TRIQK: variants seen among roughly 807,000 people sequenced by gnomAD.
The protein encoded by TRIQK is triple QxxK/R motif containing.
TRIQK carries 10 observed loss-of-function variants against 10.8 expected under a neutral mutation model. That is an observed-to-expected ratio of 0.92 (90% confidence interval 0.57 to 1.57). The LOEUF is 1.57. Among genes scored for constraint, TRIQK ranks in the 40% most tolerant of loss-of-function variants. The probability of loss-of-function intolerance (pLI) is 0.00; values close to 1 mark genes in which losing one functional copy is unlikely to be tolerated. For missense variants in TRIQK, 107 were observed against 97.7 expected, an observed-to-expected ratio of 1.09 and a Z score of -0.40; for synonymous variants, 33 against 33.7, an observed-to-expected ratio of 0.98 and a Z score of 0.07.
At chr8:92,933,877 T>C (rs1254946424) in intron 2 of TRIQK, among the ~76,000 whole-genome samples, 4 of 152,074 alleles carry the variant, frequency 2.6e-5, no homozygotes, top group African/African-American at 4.8e-5. Context: ...TCACTGAATC[T>C]CCTTGATCTA....
At chr8:92,895,239 C>A (rs567243552) in intron 3 of TRIQK, among the ~76,000 whole-genome samples, 3 of 152,320 alleles carry the variant, frequency 2.0e-5, no homozygotes, top group African/African-American at 7.2e-5. Context: ...GCTTAGACTT[C>A]CCAGTCTCCA....
intron 1 of TRIQK, among the ~76,000 whole-genome samples, chr8:93,003,651 T>C (rs2130758609): frequency 6.6e-6 from 1 of 152,108 alleles, no homozygotes; most frequent in African/African-American, 2.4e-5. Context: ...AAAGTCCAAG[T>C]CCAAAAATCC....
At position 92,905,469 on chromosome 8, in the gene TRIQK, G is replaced by A. The variant is rs867630193; in HGVS notation, c.61+11460C>T. 3.9e-5 allele frequency among the ~76,000 whole-genome samples: 6 copies of A among 152,096 alleles called. 1 individual carries two copies. The highest frequency in any genetic ancestry group is 4.1e-4 in the South Asian group (2 of 4,826). On this transcript the variant is annotated intron_variant, in intron 3 of 4. Transcript: ENST00000521988. ...AAAATTAATATTGTGGTAATCCCTC[G>A]GAAAGATGGAGGACATTGCAATTGC... is the stretch of plus-strand genomic sequence containing the variant.
chr8:92,961,036 T>C (rs570164439), intron 1 of TRIQK, among the ~76,000 whole-genome samples: 7 of 152,226 alleles, frequency 4.6e-5, no homozygotes, highest in Non-Finnish European at 1.0e-4. Context: ...TATTCTTGAA[T>C]GTGTTGGACG....
At chr8:92,994,433 A>T (rs1813130648) in intron 1 of TRIQK, among the ~76,000 whole-genome samples, 3 of 152,054 alleles carry the variant, frequency 2.0e-5, no homozygotes, top group East Asian at 3.9e-4. Flanking sequence ...TTTATTTTTT[A>T]AAAATCACAT....
chr8:92,902,483 A>G (rs1052355929), intron 3 of TRIQK, among the ~76,000 whole-genome samples: 1 of 152,168 alleles, frequency 6.6e-6, no homozygotes, highest in Non-Finnish European at 1.5e-5. Flanking sequence ...TAGGTGACTC[A>G]AGATTGTCTT....
intron 2 of TRIQK, among the ~76,000 whole-genome samples, chr8:92,940,640 A>G (rs1167275216): frequency 6.6e-6 from 1 of 152,222 alleles, no homozygotes; most frequent in Non-Finnish European, 1.5e-5. Context: ...AAATATTAGT[A>G]GATATAAAGA....
At chr8:92,905,097 G>A (rs151288532) in intron 3 of TRIQK, among the ~76,000 whole-genome samples, 148 of 152,054 alleles carry the variant, frequency 9.7e-4, no homozygotes, top group African/African-American at 3.4e-3. Context: ...CATGTAAATC[G>A]ATGAACAGAC....
At chr8:93,010,082 G>T (rs1813316501) in intron 1 of TRIQK, among the ~76,000 whole-genome samples, 2 of 152,148 alleles carry the variant, frequency 1.3e-5, no homozygotes, top group African/African-American at 4.8e-5. Context: ...CTTGTGGAGA[G>T]TATAACAGTG....
chr8:92,978,341 T>C (rs1026557047), intron 1 of TRIQK, among the ~76,000 whole-genome samples: 2 of 152,178 alleles, frequency 1.3e-5, no homozygotes, highest in African/African-American at 4.8e-5. Flanking sequence ...TGTCCCATGA[T>C]ACTTGATGCC....
At chr8:92,915,496 T>G in intron 3 of TRIQK, among the ~76,000 whole-genome samples, 1 of 151,900 alleles carries the variant, frequency 6.6e-6, no homozygotes, top group Non-Finnish European at 1.5e-5. Flanking sequence ...TTCTTTTTTT[T>G]TTTTTGAGAT....
intron 1 of TRIQK, chr8:92,964,993 T>C (rs548232409): frequency 6.6e-6 from 1 of 152,314 alleles, no homozygotes; most frequent in South Asian, 2.1e-4. Flanking sequence ...ACCTCTTTTG[T>C]TTTTTCTCTC....
intron 2 of TRIQK, among the ~76,000 whole-genome samples, chr8:92,940,827 T>TG (rs1811231852): frequency 6.6e-6 from 1 of 152,296 alleles, no homozygotes; most frequent in South Asian, 2.1e-4. Flanking sequence ...AGAATATACA[T>TG]TCTACTCAAC....
chr8:92,886,600 T>C lies in TRIQK; in HGVS notation c.*22A>G, dbSNP rs934455007. 49 of 1,433,968 alleles carry C rather than the reference T, an allele frequency of 3.4e-5. No individual in the cohort carries two copies. In the Middle Eastern group the frequency reaches 5.3e-4, roughly 15 times the overall value. 88.8% of individuals were successfully genotyped at this position (1,433,968 alleles called of 1,614,324 possible). On this transcript the variant is annotated 3_prime_UTR_variant, in exon 5 of 5. Coordinates refer to ENST00000521988, the MANE Select transcript of TRIQK (RefSeq NM_001171797.2). Reference sequence around the variant, plus strand: ...GTGCTTTCGTAAAGTTATTTCTCTTTCATGCATTGATTGTTGCTTAGCTAA... The same window carrying C: ...GTGCTTTCGTAAAGTTATTTCTCTTCCATGCATTGATTGTTGCTTAGCTAA...
intron 1 of TRIQK, among the ~76,000 whole-genome samples, chr8:92,956,360 T>A (rs1812171815): frequency 6.6e-6 from 1 of 151,500 alleles, no homozygotes. Context: ...AGAAAGAAAA[T>A]AGATTAGTGG....
intron 3 of TRIQK, among the ~76,000 whole-genome samples, chr8:92,910,649 C>T (rs1809520966): frequency 6.6e-6 from 1 of 150,426 alleles, no homozygotes; most frequent in Non-Finnish European, 1.5e-5. Context: ...TACAAGAGTA[C>T]TTAACAAAAT....
At chr8:92,953,323 C>A (rs1206810943) in intron 2 of TRIQK, 1 of 151,938 alleles carries the variant, frequency 6.6e-6, no homozygotes, top group Admixed American at 6.6e-5. Context: ...ACTCCGGTTA[C>A]TAGAGATAGA....
At chr8:92,929,029 G>T (rs1224859615) in intron 2 of TRIQK, among the ~76,000 whole-genome samples, 4 of 152,218 alleles carry the variant, frequency 2.6e-5, no homozygotes, top group Non-Finnish European at 4.4e-5. Context: ...TAGAATATAG[G>T]AACAGCTTGG....
At chr8:92,994,017 C>G (rs1310491545) in intron 1 of TRIQK, among the ~76,000 whole-genome samples, 1 of 152,108 alleles carries the variant, frequency 6.6e-6, no homozygotes, top group Non-Finnish European at 1.5e-5. Flanking sequence ...AGAAAGGAAC[C>G]ACAAAGACTA....
Sources: gnomAD v4.1 joint callset for allele counts (sites outside exome capture counted in the v4.1 genomes callset) on GRCh38, gnomAD v4.1.1 for gene constraint, MANE v1.5 for transcripts, NCBI Gene and HGNC (gene_info 2026-07-23, HGNC 2026-07-21) for gene names.